XYLT1: variants seen among roughly 807,000 people sequenced by gnomAD.
XYLT1 encodes xylosyltransferase 1, also known as beta-D-xylosyltransferase 1.
In XYLT1, 36 loss-of-function variants were observed where a neutral mutation model predicts 91.3. That is an observed-to-expected ratio of 0.39 (90% CI 0.30 to 0.52). The LOEUF (loss-of-function observed/expected upper bound fraction) is 0.52, where lower values mean the gene tolerates loss of function less well. XYLT1 is among the 20% of genes least tolerant of loss of function. XYLT1 has a pLI of 0.68. For missense variants in XYLT1, 1,242 were observed against 1,284.5 expected, an observed-to-expected ratio of 0.97 and a Z score of 0.51; for synonymous variants, 588 against 532.0, an observed-to-expected ratio of 1.11 and a Z score of -1.45.
intron 2 of XYLT1, among the ~76,000 whole-genome samples, chr16:17,260,742 T>C (rs958871765): frequency 6.6e-6 from 1 of 152,220 alleles, no homozygotes; most frequent in Non-Finnish European, 1.5e-5. Flanking sequence ...GCTTTCCTGA[T>C]ACAATAGCAG....
intron 1 of XYLT1, among the ~76,000 whole-genome samples, chr16:17,452,662 G>A (rs936841491): frequency 6.6e-6 from 1 of 151,950 alleles, no homozygotes; most frequent in Non-Finnish European, 1.5e-5. Context: ...GAAGAGTTTC[G>A]ATTGTTTAAA....
At chr16:17,270,192 T>C (rs1194317470) in intron 2 of XYLT1, among the ~76,000 whole-genome samples, 1 of 152,236 alleles carries the variant, frequency 6.6e-6, no homozygotes, top group Non-Finnish European at 1.5e-5. Flanking sequence ...CTTTTCCTAT[T>C]GCAACAGGCA....
In XYLT1 at chr16:17,225,140, C is replaced by A. The variant is rs2033039020; in HGVS notation, c.914-24486G>T. Among the ~76,000 whole-genome samples the A allele has an allele frequency of 2.0e-5, 3 of 148,182 alleles. No homozygotes were observed. The South Asian group carries it at 6.6e-4, about 32-fold the overall frequency. ...TGTCCTGTGTGACCTCGTAAGCCACCAATTCTTATTTTACACACACACACA... is the reference window on the plus strand; with the variant it reads ...TGTCCTGTGTGACCTCGTAAGCCACAAATTCTTATTTTACACACACACACA... On this transcript the variant is annotated intron_variant, in intron 3 of 11. Coordinates refer to ENST00000261381, the MANE Select transcript of XYLT1 (RefSeq NM_022166.4).
intron 2 of XYLT1, among the ~76,000 whole-genome samples, chr16:17,323,071 G>A (rs1024737387): frequency 1.3e-5 from 2 of 152,208 alleles, no homozygotes; most frequent in Admixed American, 6.5e-5. Context: ...GCAGGTCAGG[G>A]CTGCAGAGCT....
At chr16:17,232,942 T>C (rs1277719824) in intron 3 of XYLT1, among the ~76,000 whole-genome samples, 1 of 152,198 alleles carries the variant, frequency 6.6e-6, no homozygotes, top group East Asian at 1.9e-4. Flanking sequence ...TTGCCCCCTT[T>C]GGGCATAATT....
rs145472394 is a variant in XYLT1 at position 17,449,053 on chromosome 16, C to T, written c.363+21381G>A. Among the ~76,000 whole-genome samples, 933 of 152,242 alleles carry T rather than the reference C, an allele frequency of 6.1e-3. 6 individuals carry two copies. Among genetic ancestry groups the T allele is most frequent in the Middle Eastern group, 0.027 (8 of 292 alleles). On this transcript the variant is annotated intron_variant, in intron 1 of 11. Transcript: ENST00000261381. ...TTCCACCAACTGAGACAAAGAGGGA[C>T]GTTTTGGTGGAGAAGGAAGTGGCAT...
rs189368784 is a variant in XYLT1 at position 17,317,123 on chromosome 16, C to G, written c.402+40889G>C. Among the ~76,000 whole-genome samples the G allele has an allele frequency of 1.5e-3, 231 of 151,952 alleles. 1 individual carries two copies. Among genetic ancestry groups the G allele is most frequent in the Non-Finnish European group, 6.3e-4 (43 of 67,938 alleles). Reference sequence around the variant, plus strand: ...AGGCGTGAGCCACCGTGCCCGGCCCCCAGGCAGATTTTATGGAGCTCTCAA... The same window carrying G: ...AGGCGTGAGCCACCGTGCCCGGCCCGCAGGCAGATTTTATGGAGCTCTCAA... On this transcript the variant is annotated intron_variant, in intron 2 of 11. Coordinates refer to ENST00000261381, the MANE Select transcript of XYLT1 (RefSeq NM_022166.4).
At chr16:17,336,506 A>G (rs551396439) in intron 2 of XYLT1, among the ~76,000 whole-genome samples, 6 of 152,282 alleles carry the variant, frequency 3.9e-5, no homozygotes, top group Admixed American at 2.0e-4. Flanking sequence ...CCCGTCCTTC[A>G]CTACTGTGTG....
chr16:17,430,428 G>C (rs542633073), intron 1 of XYLT1, among the ~76,000 whole-genome samples: 1 of 152,306 alleles, frequency 6.6e-6, no homozygotes, highest in Admixed American at 6.5e-5. Flanking sequence ...AAGCACTTTG[G>C]TTAAGAGACA....
chr16:17,342,894 AAT>A (rs1938330089), intron 2 of XYLT1, among the ~76,000 whole-genome samples: 1 of 152,258 alleles, frequency 6.6e-6, no homozygotes, highest in Admixed American at 6.5e-5. Context: ...ATCACATGAT[AAT>A]ATGATATGCT....
At chr16:17,207,464 A>G (rs1205950308) in intron 3 of XYLT1, among the ~76,000 whole-genome samples, 1 of 152,016 alleles carries the variant, frequency 6.6e-6, no homozygotes, top group African/African-American at 2.4e-5. Context: ...GTACAGAGCT[A>G]AGTTTGGGGG....
chr16:17,257,733 C>T (rs1403413372), intron 3 of XYLT1, among the ~76,000 whole-genome samples: 2 of 152,070 alleles, frequency 1.3e-5, no homozygotes, highest in East Asian at 3.9e-4. Flanking sequence ...GCCATGTGAC[C>T]TTGGGAGAGG....
rs192794669 is a variant in XYLT1 at position 17,177,683 on chromosome 16, A to G, written c.1290-18774T>C. Among the ~76,000 whole-genome samples, 307 of 152,328 alleles carry G rather than the reference A, an allele frequency of 2.0e-3. 1 individual carries two copies. Among genetic ancestry groups the G allele is most frequent in the African/African-American group, 7.2e-3 (298 of 41,578 alleles). On this transcript the variant is annotated intron_variant, in intron 5 of 11. Coordinates refer to ENST00000261381, the MANE Select transcript of XYLT1 (RefSeq NM_022166.4). ...TGGTTAAAAATCTCTCTCTTCCTGAATTAACATTGCAACCTGAGACAGACT... is the reference window on the plus strand; with the variant it reads ...TGGTTAAAAATCTCTCTCTTCCTGAGTTAACATTGCAACCTGAGACAGACT...
chr16:17,205,829 T>C (rs1345997093), intron 3 of XYLT1, among the ~76,000 whole-genome samples: 1 of 152,178 alleles, frequency 6.6e-6, no homozygotes, highest in Non-Finnish European at 1.5e-5. Flanking sequence ...ATAGTTACTC[T>C]ACCAACAAAG....
rs1567272457 is a variant in XYLT1 at position 17,103,737 on chromosome 16, G to A, written c.*4958C>T. On this transcript the variant is annotated 3_prime_UTR_variant, in exon 12 of 12. Transcript: ENST00000261381. Reference sequence around the variant, plus strand: ...TTTCTGGTGGTATCTGTAGGCAGAGGCAGTTGGAATATTCCCAGCCAAGTG... The same window carrying A: ...TTTCTGGTGGTATCTGTAGGCAGAGACAGTTGGAATATTCCCAGCCAAGTG... 2 of 152,190 alleles carry A rather than the reference G, an allele frequency of 1.3e-5. No individual in the cohort carries two copies. The highest frequency in any genetic ancestry group is 2.9e-5 in the Non-Finnish European group (2 of 68,122). The allele number at this position is 152,190 out of a possible 1,614,324, so 9.4% of individuals were successfully genotyped here. A position where few individuals can be genotyped will look rare whatever the true frequency, so the allele number is the denominator to read the frequency against.
At chr16:17,161,374 T>G (rs1179876058) in intron 5 of XYLT1, among the ~76,000 whole-genome samples, 2 of 151,974 alleles carry the variant, frequency 1.3e-5, no homozygotes, top group African/African-American at 4.8e-5. Context: ...AGCCAAGCGC[T>G]GTGTGCTTGG....
chr16:17,362,822 T>C (rs1440667576), intron 1 of XYLT1, among the ~76,000 whole-genome samples: 1 of 152,180 alleles, frequency 6.6e-6, no homozygotes, highest in Non-Finnish European at 1.5e-5. Flanking sequence ...ATGACATTGG[T>C]GTAGAGATAA....
At chr16:17,377,386 C>T (rs898613806) in intron 1 of XYLT1, among the ~76,000 whole-genome samples, 1 of 152,138 alleles carries the variant, frequency 6.6e-6, no homozygotes, top group Non-Finnish European at 1.5e-5. Flanking sequence ...CTAGACATGG[C>T]GATAGAGTTC....
intron 2 of XYLT1, among the ~76,000 whole-genome samples, chr16:17,344,353 C>G (rs374964097): frequency 2.7e-5 from 4 of 150,758 alleles, no homozygotes; most frequent in East Asian, 4.0e-4. Flanking sequence ...ATTAGCCGGG[C>G]GTGGTGGCGG....
Sources: gnomAD v4.1 joint callset for allele counts (sites outside exome capture counted in the v4.1 genomes callset) on GRCh38, gnomAD v4.1.1 for gene constraint, MANE v1.5 for transcripts, NCBI Gene and HGNC (gene_info 2026-07-23, HGNC 2026-07-21) for gene names.